Variants in RGS1 observed in about 807,000 individuals in gnomAD.
RGS1 encodes the protein regulator of G protein signaling 1, also known as B-cell activation protein BL34.
Under a neutral mutation model 22.2 loss-of-function variants are expected in RGS1, and 11 were observed. The ratio of observed to expected loss-of-function variants is 0.50; its 90% CI spans 0.31 to 0.82. The LOEUF (loss-of-function observed/expected upper bound fraction) is 0.82, where lower values mean the gene tolerates loss of function less well. Among genes scored for constraint, RGS1 ranks in the 40% least tolerant of loss-of-function variants. The probability of loss-of-function intolerance (pLI) is 0.04; values close to 1 mark genes in which losing one functional copy is unlikely to be tolerated. For missense variants in RGS1, 255 were observed against 245.8 expected (o/e 1.04, Z -0.25); for synonymous variants, 81 against 79.9 (o/e 1.01, Z -0.07).
At chr1:192,577,214 T>A (rs1010762103) in intron 3 of RGS1, 8 of 173,800 alleles carry the variant, frequency 4.6e-5, no homozygotes, top group Admixed American at 3.8e-4. Flanking sequence ...CAAGTATGAT[T>A]CATTCATTCA....
At position 192,578,203 on chromosome 1, in the gene RGS1, A is replaced by C. The variant is rs1348728309; in HGVS notation, c.281-19A>C. ...ATTTAATTTAATTATCTCCCCACCC[A>C]CCCCTCGTTTCTTTTTAGCTGGTCA... On this transcript the variant is annotated intron_variant, in intron 3 of 4. Transcript: ENST00000367459. 1 of 1,591,786 alleles carries C rather than the reference A, an allele frequency of 6.3e-7. No homozygotes were observed. Among genetic ancestry groups the C allele is most frequent in the South Asian group, 1.1e-5 (1 of 87,026 alleles).
Position 192,576,836 on chromosome 1 carries a change from G to A in RGS1, c.280+1G>A, listed in dbSNP as rs758969927. 1.2e-6 allele frequency: 2 copies of A among 1,610,554 alleles called. No homozygotes were observed. The highest frequency in any genetic ancestry group is 3.3e-5 in the Admixed American group (2 of 59,788). On this transcript the variant is annotated splice_donor_variant, in intron 3 of 4. Coordinates refer to ENST00000367459, the MANE Select transcript of RGS1 (RefSeq NM_002922.4). LOFTEE classifies it high-confidence loss of function. ...CTGGAAAAACTTCTTGCCAACCAAAGTAAGTATAACTATTGAATGTTTCTG... is the reference window on the plus strand; with the variant it reads ...CTGGAAAAACTTCTTGCCAACCAAAATAAGTATAACTATTGAATGTTTCTG...
In RGS1 at chr1:192,578,280, G is replaced by C. The variant is rs376943618; in HGVS notation, c.339G>C (p.Glu113Asp). The C allele has an allele frequency of 3.7e-5, 60 of 1,610,390 alleles. No homozygotes were observed. The highest frequency in any genetic ancestry group is 2.5e-5 in the Non-Finnish European group (29 of 1,177,872). Residue 113 changes from glutamate (E) to aspartate (D), a missense_variant, in exon 4 of 5, where the codon GAG (glutamate) becomes GAC (aspartate). Physicochemically the swap from Glu to Asp is conservative, Grantham distance 45. Transcript: ENST00000367459. ...CTGAATTCAGTGAGGAGAATATTGA[G>C]TTCTGGCTGGCTTGTGAAGACTATA... ...LKSEFSEENI[E>D]FWLACEDYKK...
chr1:192,577,325 T>A (rs1336536629), intron 3 of RGS1: 1 of 152,714 alleles, frequency 6.5e-6, no homozygotes, highest in Non-Finnish European at 1.5e-5. Context: ...AGTCTCTTAC[T>A]GCCTTGAAGG....
At chr1:192,579,065 C>CA (rs1558033213) in intron 4 of RGS1, 72 bp from the exon 5 acceptor site, 18 of 1,467,450 alleles carry the variant, frequency 1.2e-5, no homozygotes, top group Non-Finnish European at 1.7e-5. Context: ...TGAGGTGTTT[C>CA]AAAAAACAGT....
intron 4 of RGS1, 72 bp from the exon 5 acceptor site, chr1:192,579,065 C>A: frequency 6.8e-7 from 1 of 1,467,568 alleles, no homozygotes; most frequent in South Asian, 1.3e-5. Context: ...TGAGGTGTTT[C>A]AAAAAACAGT....
intron 3 of RGS1, chr1:192,577,825 T>C (rs1484415336): frequency 1.1e-5 from 2 of 179,968 alleles, no homozygotes; most frequent in Non-Finnish European, 2.4e-5. Context: ...TTACTAATTA[T>C]TGTGATGTTA....
At chr1:192,576,188 G>C (rs1662055079) in intron 1 of RGS1, 97 bp from the exon 2 acceptor site, 18 of 1,063,830 alleles carry the variant, frequency 1.7e-5, no homozygotes, top group Middle Eastern at 3.1e-4. Flanking sequence ...ACCATTTTTA[G>C]TATTGCCTTA....
intron 3 of RGS1, 31 bp from the exon 4 acceptor site, chr1:192,578,191 A>T: frequency 6.4e-7 from 1 of 1,571,822 alleles, no homozygotes; most frequent in African/African-American, 1.4e-5. Context: ...TAATTTAATT[A>T]TCTCCCCACC....
At chr1:192,575,991 T>A (rs1301549958) in intron 1 of RGS1, 62 bp downstream of exon 1, 54 of 1,586,102 alleles carry the variant, frequency 3.4e-5, no homozygotes, top group Non-Finnish European at 4.3e-5. Flanking sequence ...GGCAGAAGGA[T>A]TGAGAATGAA....
chr1:192,576,533 T>C (rs1159199262), intron 2 of RGS1, 168 bp downstream of exon 2: 2 of 637,168 alleles, frequency 3.1e-6, no homozygotes, highest in African/African-American at 3.7e-5. Flanking sequence ...TGAATACAAA[T>C]GTGTACACAC....
At chr1:192,578,458 C>T in intron 4 of RGS1, 73 bp downstream of exon 4, 1 of 1,524,574 alleles carries the variant, frequency 6.6e-7, no homozygotes. Context: ...TTAATATATA[C>T]AACAAGATAA....
chr1:192,578,024 C>T (rs959112267), intron 3 of RGS1, 198 bp from the exon 4 acceptor site: 14 of 611,322 alleles, frequency 2.3e-5, no homozygotes, highest in Non-Finnish European at 3.2e-5. Context: ...CCCCAGATTC[C>T]TCTTCTATGA....
Position 192,579,259 on chromosome 1 carries a change from G to C in RGS1, c.567G>C (p.Arg189Ser). Reference protein sequence around the residue: ...YTLMEKDSYPRFLKSDIYLNL... With the variant: ...YTLMEKDSYPSFLKSDIYLNL... The stretch of plus-strand genomic sequence containing the variant: ...TTATGGAAAAGGACTCTTATCCCAG[G>C]TTCCTCAAATCAGATATTTACTTAA... Residue 189 changes from arginine to serine, a missense_variant, in exon 5 of 5, where the codon AGG becomes AGC. Physicochemically the swap from Arg to Ser is moderately radical, Grantham distance 110. Transcript: ENST00000367459. The C allele has an allele frequency of 6.2e-7, 1 of 1,613,068 alleles. No individual in the cohort carries two copies.
intron 2 of RGS1, 165 bp from the exon 3 acceptor site, chr1:192,576,609 A>G: frequency 1.5e-6 from 1 of 688,238 alleles, no homozygotes. Context: ...TTTCATAACT[A>G]TAGTAACTCT....
At chr1:192,578,642 G>C in intron 4 of RGS1, 1 of 552,012 alleles carries the variant, frequency 1.8e-6, no homozygotes, top group Non-Finnish European at 3.2e-6. Flanking sequence ...TAAGGGTATT[G>C]TTACTGACCA....
At position 192,578,767 on chromosome 1, in the gene RGS1, A is replaced by ATCT. The variant is rs1177004466; in HGVS notation, c.445-370_445-369insTCT. The ATCT allele has an allele frequency of 1.3e-5, 5 of 377,556 alleles. 1 individual carries two copies. The East Asian group carries it at 2.2e-4, about 17-fold the overall frequency. 23.4% of individuals were successfully genotyped at this position (377,556 alleles called of 1,614,324 possible). Reference sequence around the variant, plus strand: ...AGTATTTCCAATTAACAGTATTACCAGATAAATATTCTTGGTCCAAGCAGA... The same window carrying ATCT: ...AGTATTTCCAATTAACAGTATTACCATCTGATAAATATTCTTGGTCCAAGCAGA... On this transcript the variant is annotated intron_variant, in intron 4 of 4. Coordinates refer to ENST00000367459, the MANE Select transcript of RGS1 (RefSeq NM_002922.4).
chr1:192,578,746 T>C (rs1662109094), intron 4 of RGS1: 1 of 395,856 alleles, frequency 2.5e-6, no homozygotes, highest in Non-Finnish European at 4.5e-6. Flanking sequence ...AGCAAAAGTA[T>C]TTCCAATTAA....
intron 3 of RGS1, 155 bp from the exon 4 acceptor site, chr1:192,578,067 C>A: frequency 2.3e-6 from 2 of 873,588 alleles, no homozygotes; most frequent in Non-Finnish European, 3.4e-6. Flanking sequence ...CTCATCTCTA[C>A]AATCTATAAC....
Sources: allele counts gnomAD v4.1 joint callset, GRCh38; gene constraint gnomAD v4.1.1; transcripts MANE v1.5; gene names NCBI Gene and HGNC (gene_info 2026-07-23, HGNC 2026-07-21).